Variants in SATL1 observed in about 807,000 individuals in gnomAD.
SATL1 encodes the protein spermidine/spermine N(1)-acetyltransferase-like protein 1.
Under a neutral mutation model 51.8 loss-of-function variants are expected in SATL1, and 47 were observed. The observed-to-expected ratio is 0.91, with a 90% CI of 0.72 to 1.16. The LOEUF is 1.16. SATL1 is among the 50% of genes most tolerant of loss of function. The pLI, the probability that SATL1 is intolerant of heterozygous loss-of-function variation, is 0.00. For synonymous variants in SATL1, 176 were observed against 182.4 expected (o/e 0.97, Z 0.28); for missense variants, 520 against 526.4 (o/e 0.99, Z 0.12).
At chrX:85,183,351 C>T (rs899177647) in intron 2 of SATL1, among the ~76,000 whole-genome samples, 1 of 109,432 alleles carries the variant, frequency 9.1e-6, no homozygotes, top group Non-Finnish European at 1.9e-5. Context: ...CCAATGTTCT[C>T]GGTGCCTTTG....
At chrX:85,125,766 C>A (rs1925612577) in intron 2 of SATL1, among the ~76,000 whole-genome samples, 1 of 109,219 alleles carries the variant, frequency 9.2e-6, no homozygotes. Context: ...ATAGCCAATC[C>A]ATTATTGAAT....
chrX:85,193,918 G>A (rs771031380), intron 2 of SATL1, among the ~76,000 whole-genome samples: 6 of 111,730 alleles, frequency 5.4e-5, no homozygotes, highest in Admixed American at 9.5e-5. Flanking sequence ...ACAATTTGTC[G>A]TTGGTGGGCA....
At chrX:85,214,296 G>A in intron 2 of SATL1, among the ~76,000 whole-genome samples, 1 of 111,349 alleles carries the variant, frequency 9.0e-6, no homozygotes, top group African/African-American at 3.3e-5. Context: ...CACGTAGCAA[G>A]AGAGGATACA....
intron 2 of SATL1, among the ~76,000 whole-genome samples, chrX:85,166,963 G>C (rs908166303): frequency 2.9e-5 from 3 of 104,710 alleles, no homozygotes; most frequent in African/African-American, 7.0e-5. Flanking sequence ...GTGTGTGTGT[G>C]TGTGTGTGTG....
At chrX:85,141,026 A>T (rs1166422774) in intron 2 of SATL1, among the ~76,000 whole-genome samples, 3 of 110,855 alleles carry the variant, frequency 2.7e-5, no homozygotes, top group Non-Finnish European at 1.9e-5. Context: ...CCGCTCTGGA[A>T]CCTCCAGTTT....
At chrX:85,184,174 T>C (rs1927266153) in intron 2 of SATL1, among the ~76,000 whole-genome samples, 1 of 111,693 alleles carries the variant, frequency 9.0e-6, no homozygotes, top group Non-Finnish European at 1.9e-5. Flanking sequence ...ATTTAATTTC[T>C]CCATTCATCT....
At chrX:85,232,290 T>G (rs769465928) in intron 1 of SATL1, among the ~76,000 whole-genome samples, 4 of 110,145 alleles carry the variant, frequency 3.6e-5, no homozygotes, top group Non-Finnish European at 7.6e-5. Context: ...CAACACTCAG[T>G]GTGGGTTTTG....
chrX:85,192,849 T>A (rs918209663), intron 2 of SATL1, among the ~76,000 whole-genome samples: 1 of 111,906 alleles, frequency 8.9e-6, no homozygotes, highest in Non-Finnish European at 1.9e-5. Flanking sequence ...ATTTGACTAC[T>A]TAGAGATGAC....
intron 1 of SATL1, among the ~76,000 whole-genome samples, chrX:85,225,822 G>A (rs1928268679): frequency 9.0e-6 from 1 of 111,285 alleles, no homozygotes; most frequent in Non-Finnish European, 1.9e-5. Context: ...GAATCAAAAA[G>A]GAATCCAGAG....
At chrX:85,201,296 T>G (rs779698432) in intron 2 of SATL1, among the ~76,000 whole-genome samples, 14 of 111,263 alleles carry the variant, frequency 1.3e-4, no homozygotes, top group African/African-American at 4.6e-4. Context: ...AAACATAGTA[T>G]AGGGGACTGT....
chrX:85,137,029 G>A (rs985039154), intron 2 of SATL1, among the ~76,000 whole-genome samples: 1 of 111,610 alleles, frequency 9.0e-6, no homozygotes, highest in Non-Finnish European at 1.9e-5. Flanking sequence ...AAGAGGTTGA[G>A]GATTCAGAAA....
At chrX:85,182,563 T>C (rs773503904) in intron 2 of SATL1, among the ~76,000 whole-genome samples, 3 of 111,999 alleles carry the variant, frequency 2.7e-5, no homozygotes, top group Non-Finnish European at 3.8e-5. Context: ...GTGGTGCAGA[T>C]ACCTCTTTGA....
intron 2 of SATL1, among the ~76,000 whole-genome samples, chrX:85,157,463 C>G (rs942169907): frequency 7.2e-5 from 8 of 111,198 alleles, no homozygotes; most frequent in African/African-American, 2.3e-4. Flanking sequence ...CCATTTTTCC[C>G]AATTATTTTC....
chrX:85,118,569 A>T (rs1400833221), intron 2 of SATL1: 1 of 111,845 alleles, frequency 8.9e-6, no homozygotes, highest in African/African-American at 3.2e-5. Context: ...TACAAAACAC[A>T]TAAAATAGAA....
At chrX:85,149,637 AT>A (rs1178804327) in intron 2 of SATL1, among the ~76,000 whole-genome samples, 2 of 112,029 alleles carry the variant, frequency 1.8e-5, no homozygotes, top group African/African-American at 6.5e-5. Context: ...GTGCAATCAA[AT>A]TAGAACTCAG....
intron 2 of SATL1, among the ~76,000 whole-genome samples, chrX:85,130,020 T>C (rs1028198314): frequency 6.3e-5 from 7 of 111,943 alleles, no homozygotes; most frequent in African/African-American, 2.3e-4. Context: ...TGGATAAGCT[T>C]TTTGATGTGC....
intron 6 of SATL1, among the ~76,000 whole-genome samples, chrX:85,093,575 T>C (rs1924594486): frequency 8.9e-6 from 1 of 112,640 alleles, no homozygotes; most frequent in South Asian, 3.6e-4. Context: ...ACTCACACGA[T>C]GGCTCACACA....
chrX:85,129,041 T>G (rs753123931), intron 2 of SATL1, among the ~76,000 whole-genome samples: 1 of 112,038 alleles, frequency 8.9e-6, no homozygotes, highest in Admixed American at 9.5e-5. Context: ...GCTGTTTTGG[T>G]TACTGTAGCC....
At chrX:85,134,809 G>A (rs371591626) in intron 2 of SATL1, among the ~76,000 whole-genome samples, 4 of 111,654 alleles carry the variant, frequency 3.6e-5, no homozygotes, top group African/African-American at 9.8e-5. Flanking sequence ...GTATGAGGAA[G>A]GAGTAGCAAC....
Sources: allele counts gnomAD v4.1 joint callset (sites outside exome capture counted in the v4.1 genomes callset), GRCh38; gene constraint gnomAD v4.1.1; transcripts MANE v1.5; gene names NCBI Gene and HGNC (gene_info 2026-07-23, HGNC 2026-07-21).